Variants in PTPRM observed in about 807,000 individuals in gnomAD.
The protein encoded by PTPRM is protein tyrosine phosphatase receptor type M.
In PTPRM, 47 loss-of-function variants were observed where a neutral mutation model predicts 186.7. The ratio of observed to expected loss-of-function variants is 0.25; its 90% CI spans 0.20 to 0.32. The LOEUF is 0.32. Ranked by LOEUF, PTPRM falls within the 10% of genes least tolerant of loss-of-function variation. The probability of loss-of-function intolerance (pLI) is 1.00; values close to 1 mark genes in which losing one functional copy is unlikely to be tolerated. For synonymous variants in PTPRM, 668 were observed against 674.9 expected (o/e 0.99, Z 0.16); for missense variants, 1,494 against 1,865.0 (o/e 0.80, Z 3.66).
intron 1 of PTPRM, among the ~76,000 whole-genome samples, chr18:7,710,147 A>G (rs897032023): frequency 1.3e-4 from 20 of 152,240 alleles, no homozygotes; most frequent in African/African-American, 2.4e-5. Context: ...AAAATTCTCA[A>G]CAAAATAACA....
intron 7 of PTPRM, among the ~76,000 whole-genome samples, chr18:7,981,639 G>A (rs929106692): frequency 1.3e-5 from 2 of 152,192 alleles, no homozygotes; most frequent in African/African-American, 2.4e-5. Context: ...AGTATATGCA[G>A]TCATGCATCC....
intron 1 of PTPRM, among the ~76,000 whole-genome samples, chr18:7,697,126 A>G (rs1301686593): frequency 1.3e-5 from 2 of 152,234 alleles, no homozygotes; most frequent in African/African-American, 2.4e-5. Context: ...TTTTATCACT[A>G]TTGAATGTCG....
chr18:8,362,624 C>T (rs2095603909), intron 23 of PTPRM, among the ~76,000 whole-genome samples: 2 of 152,192 alleles, frequency 1.3e-5, no homozygotes, highest in South Asian at 4.1e-4. Flanking sequence ...TCTTCCATAT[C>T]CACCCATAGA....
At chr18:8,036,714 C>G (rs1373844366) in intron 7 of PTPRM, among the ~76,000 whole-genome samples, 1 of 152,174 alleles carries the variant, frequency 6.6e-6, no homozygotes, top group South Asian at 2.1e-4. Flanking sequence ...CTCAGGCACT[C>G]TCTGACTTCT....
At chr18:7,841,723 A>ACTAGT (rs1243001973) in intron 2 of PTPRM, among the ~76,000 whole-genome samples, 2 of 152,206 alleles carry the variant, frequency 1.3e-5, no homozygotes, top group Non-Finnish European at 2.9e-5. Context: ...GTTAACTAGA[A>ACTAGT]AATGAAATGC....
chr18:7,972,296 C>A (rs1390269897), intron 7 of PTPRM, among the ~76,000 whole-genome samples: 2 of 114,646 alleles, frequency 1.7e-5, no homozygotes, highest in African/African-American at 9.0e-5. Context: ...GAATATCACA[C>A]TCTGGGGACT....
At chr18:7,807,440 A>C (rs2044289321) in intron 2 of PTPRM, among the ~76,000 whole-genome samples, 1 of 152,226 alleles carries the variant, frequency 6.6e-6, no homozygotes, top group African/African-American at 2.4e-5. Flanking sequence ...GTTTTTAAGA[A>C]GCTTGTTCTT....
intron 11 of PTPRM, among the ~76,000 whole-genome samples, chr18:8,109,511 T>C (rs1347781616): frequency 6.6e-6 from 1 of 152,028 alleles, no homozygotes; most frequent in Non-Finnish European, 1.5e-5. Context: ...TGGAGTAGAG[T>C]GTATAATAGA....
At position 8,342,430 on chromosome 18, in the gene PTPRM, G is replaced by A. The variant is rs371887617; in HGVS notation, c.2957-993G>A. ...TAACTTGCCCCTAATCACACAGCCA[G>A]TTAAAAGGCAGAAGCAAATCTCAAA... On this transcript the variant is annotated intron_variant, in intron 22 of 32. Coordinates refer to ENST00000580170, the MANE Select transcript of PTPRM (RefSeq NM_001105244.2). Among the ~76,000 whole-genome samples, 32 of 152,340 alleles carry A rather than the reference G, an allele frequency of 2.1e-4. 1 individual carries two copies. In the East Asian group the frequency reaches 3.3e-3, roughly 16 times the overall value.
chr18:7,906,383 T>TA, intron 3 of PTPRM, 122 bp from the exon 4 acceptor site: 1 of 728,696 alleles, frequency 1.4e-6, no homozygotes, highest in Admixed American at 2.2e-5. Context: ...TAGCAGATGT[T>TA]ACGTACATGA....
intron 14 of PTPRM, among the ~76,000 whole-genome samples, chr18:8,218,137 C>G (rs1032001310): frequency 2.0e-5 from 3 of 152,094 alleles, no homozygotes; most frequent in African/African-American, 7.2e-5. Flanking sequence ...GTCCTTTATG[C>G]AGTGGGGCGT....
intron 32 of PTPRM, among the ~76,000 whole-genome samples, chr18:8,402,134 G>C (rs1250675554): frequency 6.6e-6 from 1 of 152,224 alleles, no homozygotes; most frequent in Non-Finnish European, 1.5e-5. Flanking sequence ...AACTGCAGCA[G>C]ATAGACCTAT....
rs149888147 is a variant in PTPRM, at chr18:8,080,005, A to T, written c.1551+3441A>T. Among the ~76,000 whole-genome samples, 811 of 152,320 alleles carry T rather than the reference A, an allele frequency of 5.3e-3. 2 individuals carry two copies. The highest frequency in any genetic ancestry group is 0.019 in the African/African-American group (772 of 41,574). On this transcript the variant is annotated intron_variant, in intron 9 of 32. Transcript: ENST00000580170. ...TCAAAAAAAAATTCACCCAGCATGT[A>T]AGTATATGGTAAAGTACCTACCCAG...
chr18:8,273,296 G>A (rs2094794504), intron 19 of PTPRM, among the ~76,000 whole-genome samples: 1 of 152,050 alleles, frequency 6.6e-6, no homozygotes, highest in Admixed American at 6.6e-5. Flanking sequence ...CCCTATATAG[G>A]AAGTTCATGT....
chr18:7,714,609 G>A (rs929583455), intron 1 of PTPRM, among the ~76,000 whole-genome samples: 7 of 146,532 alleles, frequency 4.8e-5, no homozygotes, highest in African/African-American at 1.8e-4. Flanking sequence ...CAACAAAATA[G>A]ATAGACCACT....
chr18:8,160,757 T>G (rs2093215258), intron 14 of PTPRM, among the ~76,000 whole-genome samples: 1 of 152,246 alleles, frequency 6.6e-6, no homozygotes, highest in Non-Finnish European at 1.5e-5. Context: ...CAGGCAGCTC[T>G]TCTCGCTGTT....
chr18:8,208,421 TA>T lies in PTPRM; in HGVS notation c.2301-35635del, dbSNP rs1373649719. Among the ~76,000 whole-genome samples the T allele has an allele frequency of 6.6e-5, 10 of 152,162 alleles. No homozygotes were observed. In the East Asian group the frequency reaches 1.7e-3, roughly 26 times the overall value. The stretch of plus-strand genomic sequence containing the variant: ...GGGAGGAGATAGAATGTAACTAAAA[TA>T]AGTAGCTTATTTGTACTATGGAGAA... On this transcript the variant is annotated intron_variant, in intron 14 of 32. Transcript: ENST00000580170.
At chr18:8,023,870 A>ACACACACACGCG (rs71354588) in intron 7 of PTPRM, among the ~76,000 whole-genome samples, 37 of 149,262 alleles carry the variant, frequency 2.5e-4, no homozygotes, top group South Asian at 6.4e-4. Context: ...ACACACACAC[A>ACACACACACGCG]CGCACACCCC....
intron 2 of PTPRM, among the ~76,000 whole-genome samples, chr18:7,853,374 A>T (rs138766897): frequency 0.012 from 1,752 of 152,234 alleles, 14 homozygotes; most frequent in South Asian, 0.025. Context: ...TTGCAGGTGG[A>T]GTTGGTGCTA....
Sources: gnomAD v4.1 joint callset for allele counts (sites outside exome capture counted in the v4.1 genomes callset) on GRCh38, gnomAD v4.1.1 for gene constraint, MANE v1.5 for transcripts, NCBI Gene and HGNC (gene_info 2026-07-23, HGNC 2026-07-21) for gene names.